AGTPBP1: variants seen among roughly 807,000 people sequenced by gnomAD.
AGTPBP1 encodes ATP/GTP binding carboxypeptidase 1.
Under a neutral mutation model 143.9 loss-of-function variants are expected in AGTPBP1, and 70 were observed. The observed-to-expected ratio is 0.49, with a 90% CI of 0.40 to 0.59. The LOEUF (loss-of-function observed/expected upper bound fraction) is 0.59. AGTPBP1 is among the 20% of genes least tolerant of loss of function. The pLI, the probability that AGTPBP1 is intolerant of heterozygous loss-of-function variation, is 0.00. For synonymous variants in AGTPBP1, 463 were observed against 500.2 expected, an observed-to-expected ratio of 0.93 and a Z score of 0.99; for missense variants, 1,229 against 1,464.5, an observed-to-expected ratio of 0.84 and a Z score of 2.62.
chr9:85,792,914 T>C, the AGTPBP1 span, among the ~76,000 whole-genome samples: 1 of 152,340 alleles, frequency 6.6e-6, no homozygotes, highest in South Asian at 2.1e-4. Context: ...TTATTTTATA[T>C]AAACAAATCA....
At chr9:85,760,806 G>A in the AGTPBP1 span, among the ~76,000 whole-genome samples, 3 of 152,114 alleles carry the variant, frequency 2.0e-5, no homozygotes, top group Non-Finnish European at 2.9e-5. Context: ...AGGGTATTCA[G>A]TTAGGAAAAG....
At chr9:85,586,679 C>T (rs896366637) in intron 22 of AGTPBP1, 152 bp downstream of exon 22, 1 of 946,978 alleles carries the variant, frequency 1.1e-6, no homozygotes, top group Non-Finnish European at 1.5e-6. Flanking sequence ...AAATAGAAGG[C>T]TTATGAGAAT....
intron 23 of AGTPBP1, among the ~76,000 whole-genome samples, chr9:85,581,181 GT>G (rs1265257911): frequency 2.6e-5 from 4 of 152,170 alleles, no homozygotes; most frequent in African/African-American, 9.7e-5. Flanking sequence ...GCTGCAGTAG[GT>G]TACCGAAAAT....
intron 4 of AGTPBP1, among the ~76,000 whole-genome samples, chr9:85,680,500 C>T (rs1450741325): frequency 6.6e-6 from 1 of 151,992 alleles, no homozygotes; most frequent in African/African-American, 2.4e-5. Context: ...AGGAAAATCA[C>T]TCAAACCTGG....
intron 12 of AGTPBP1, among the ~76,000 whole-genome samples, chr9:85,644,240 T>C (rs902269016): frequency 2.0e-5 from 3 of 151,924 alleles, no homozygotes; most frequent in Non-Finnish European, 4.4e-5. Flanking sequence ...ATTACATTAA[T>C]ATGTAATTTA....
At chr9:85,554,089 G>A (rs1826189393) in intron 25 of AGTPBP1, 1 of 152,218 alleles carries the variant, frequency 6.6e-6, no homozygotes, top group Non-Finnish European at 1.5e-5. Flanking sequence ...GTTGAATTCA[G>A]TTATGACTTA....
At chr9:85,714,131 T>C (rs1450926625) in intron 1 of AGTPBP1, among the ~76,000 whole-genome samples, 1 of 152,228 alleles carries the variant, frequency 6.6e-6, no homozygotes, top group Non-Finnish European at 1.5e-5. Context: ...GAACTTGCAG[T>C]TCACAGTAAA....
intron 6 of AGTPBP1, among the ~76,000 whole-genome samples, chr9:85,674,605 G>A (rs904617751): frequency 2.0e-5 from 3 of 151,676 alleles, no homozygotes; most frequent in Non-Finnish European, 2.9e-5. Flanking sequence ...AAATACAAGA[G>A]CTAAAGAAAA....
At chr9:85,563,877 T>C (rs1020820896) in intron 25 of AGTPBP1, among the ~76,000 whole-genome samples, 10 of 152,286 alleles carry the variant, frequency 6.6e-5, no homozygotes, top group South Asian at 4.1e-4. Context: ...CAGCACAAGG[T>C]GAGGCTCTGG....
rs960789803 is a variant in AGTPBP1, at chr9:85,706,679, G to A, written c.32+5823C>T. 1.1e-4 allele frequency among the ~76,000 whole-genome samples: 17 copies of A among 151,696 alleles called. 1 individual carries two copies. The Middle Eastern group carries it at 0.017, about 152-fold the overall frequency. On this transcript the variant is annotated intron_variant, in intron 2 of 25. Transcript: ENST00000357081. ...ACATCAGGAGATCGAGACTATCCTG[G>A]CTAACACGGTAAAACCTCATCTCTA...
At chr9:85,574,042 G>A (rs1368468674) in intron 25 of AGTPBP1, among the ~76,000 whole-genome samples, 1 of 152,210 alleles carries the variant, frequency 6.6e-6, no homozygotes, top group East Asian at 1.9e-4. Context: ...GGGAAAGGTG[G>A]GGAAAAGATT....
chr9:85,760,282 A>G, the AGTPBP1 span, among the ~76,000 whole-genome samples: 1 of 152,186 alleles, frequency 6.6e-6, no homozygotes, highest in Non-Finnish European at 1.5e-5. Flanking sequence ...GGCCAGCATC[A>G]TCCTGATACC....
the AGTPBP1 span, among the ~76,000 whole-genome samples, chr9:85,795,856 GTTTTTT>G: frequency 4.2e-5 from 3 of 70,702 alleles, no homozygotes; most frequent in African/African-American, 5.5e-5. Context: ...CTTCTTCTTA[GTTTTTT>G]TTTTTTTTTT....
chr9:85,708,788 G>A (rs766851498), intron 2 of AGTPBP1, among the ~76,000 whole-genome samples: 40 of 152,054 alleles, frequency 2.6e-4, no homozygotes, highest in Middle Eastern at 3.2e-3. Flanking sequence ...TGCCAGCCTC[G>A]GCCTCCCAAA....
intron 13 of AGTPBP1, among the ~76,000 whole-genome samples, chr9:85,639,237 A>C (rs1832287446): frequency 6.6e-6 from 1 of 152,192 alleles, no homozygotes; most frequent in African/African-American, 2.4e-5. Context: ...TAAGTTTCAG[A>C]GTAAAGATAA....
At position 85,741,904 on chromosome 9, in the gene AGTPBP1, G is replaced by C. The variant is rs1391707971; in HGVS notation, c.-163C>G. On this transcript the variant is annotated 5_prime_UTR_variant, in exon 1 of 26. Coordinates refer to ENST00000357081, the MANE Select transcript of AGTPBP1 (RefSeq NM_001330701.2). ...ACAAACCCCGGTGGCAGGCGAGGCGGAGGCGGCGGCGGCGGCAGCTGCGGC... is the reference window on the plus strand; with the variant it reads ...ACAAACCCCGGTGGCAGGCGAGGCGCAGGCGGCGGCGGCGGCAGCTGCGGC... 1 of 1,342,946 alleles carries C rather than the reference G, an allele frequency of 7.4e-7. No homozygotes were observed. Among genetic ancestry groups the C allele is most frequent in the South Asian group, 1.9e-5 (1 of 53,692 alleles). The allele number at this position is 1,342,946 out of a possible 1,614,324, so 83.2% of individuals were successfully genotyped here.
At chr9:85,659,417 T>C (rs1184553254) in intron 9 of AGTPBP1, among the ~76,000 whole-genome samples, 2 of 152,186 alleles carry the variant, frequency 1.3e-5, no homozygotes, top group Non-Finnish European at 2.9e-5. Context: ...AATTTTATTT[T>C]GTATCATTCA....
At chr9:85,728,630 T>G (rs1188443102) in intron 1 of AGTPBP1, among the ~76,000 whole-genome samples, 2 of 152,210 alleles carry the variant, frequency 1.3e-5, no homozygotes. Flanking sequence ...AAAACAGGTT[T>G]CATGTGAACA....
chr9:85,667,055 T>C (rs1834176054), intron 8 of AGTPBP1, among the ~76,000 whole-genome samples: 1 of 152,084 alleles, frequency 6.6e-6, no homozygotes, highest in Admixed American at 6.6e-5. Flanking sequence ...CTAGGGCCAG[T>C]AAATGATAGA....
Sources: gnomAD v4.1 joint callset for allele counts (sites outside exome capture counted in the v4.1 genomes callset) on GRCh38, gnomAD v4.1.1 for gene constraint, MANE v1.5 for transcripts, NCBI Gene and HGNC (gene_info 2026-07-23, HGNC 2026-07-21) for gene names.